Variants in ANKRD11 observed in about 807,000 individuals in gnomAD.
ANKRD11 encodes ankyrin repeat domain-containing protein 11.
ANKRD11 carries 17 observed loss-of-function variants against 195.7 expected under a neutral mutation model. That is an observed-to-expected ratio of 0.09 (90% CI 0.06 to 0.13). The LOEUF is 0.13. Among genes scored for constraint, ANKRD11 ranks in the 10% least tolerant of loss-of-function variants. The pLI is 1.00. For missense variants in ANKRD11, 3,735 were observed against 3,566.1 expected (o/e 1.05, Z -1.21); for synonymous variants, 1,953 against 1,528.1 (o/e 1.28, Z -6.49).
chr16:89,423,210 C>T (rs565682566), intron 1 of ANKRD11, among the ~76,000 whole-genome samples: 15 of 152,260 alleles, frequency 9.9e-5, no homozygotes, highest in Non-Finnish European at 1.6e-4. Flanking sequence ...GGTCTCAAAA[C>T]GCTGCTAGCC....
rs1567575959 is a variant in ANKRD11 at position 89,283,723 on chromosome 16, T to C, written c.2819A>G (p.Lys940Arg). 3.1e-6 allele frequency: 5 copies of C among 1,613,776 alleles called. No homozygotes were observed. The highest frequency in any genetic ancestry group is 4.2e-6 in the Non-Finnish European group (5 of 1,180,040). ...VPGYLSEKDK[K>R]RRESAEAGRD... ...CCCGGCCTCTGCGGACTCTCTCCTC[T>C]TCTTGTCCTTTTCCGAAAGGTAGCC... The change falls in exon 9 of 13, where the codon AAG becomes AGG. Residue 940 changes from lysine (K) to arginine (R), a missense_variant. Transcript: ENST00000301030. The surrounding 1 kb of genome is among the most constrained non-coding windows in gnomAD (Gnocchi z 4.3).
intron 2 of ANKRD11, among the ~76,000 whole-genome samples, chr16:89,335,222 C>T (rs143969601): frequency 6.6e-6 from 1 of 152,262 alleles, no homozygotes; most frequent in East Asian, 1.9e-4. Context: ...GCGTTCCATG[C>T]AGGCTGGGAG....
chr16:89,335,157 G>A (rs2038282872), intron 2 of ANKRD11, among the ~76,000 whole-genome samples: 1 of 152,190 alleles, frequency 6.6e-6, no homozygotes, highest in African/African-American at 2.4e-5. Flanking sequence ...GGCCTGTGGG[G>A]GCACTGTGGA....
chr16:89,409,527 G>A (rs2042036334), intron 2 of ANKRD11, among the ~76,000 whole-genome samples: 1 of 152,162 alleles, frequency 6.6e-6, no homozygotes. Context: ...CACAAGAGCA[G>A]GAAAGGCTGG....
chr16:89,323,899 G>T (rs529790750), intron 2 of ANKRD11: 12 of 218,098 alleles, frequency 5.5e-5, no homozygotes, highest in Middle Eastern at 1.8e-3. Context: ...GCCAAGGCCA[G>T]GCAGGCACCA....
intron 2 of ANKRD11, among the ~76,000 whole-genome samples, chr16:89,411,669 C>T (rs1250284315): frequency 2.0e-5 from 3 of 152,200 alleles, no homozygotes; most frequent in Non-Finnish European, 2.9e-5. Flanking sequence ...CCACCTCAGC[C>T]TCCCAGAGTG....
intron 2 of ANKRD11, among the ~76,000 whole-genome samples, chr16:89,402,784 G>C (rs2041751405): frequency 6.9e-6 from 1 of 144,192 alleles, no homozygotes; most frequent in Non-Finnish European, 1.5e-5. Flanking sequence ...AGCTCTGTGG[G>C]ATGAGGTGAG....
At chr16:89,441,582 A>G (rs923853580) in intron 1 of ANKRD11, among the ~76,000 whole-genome samples, 11 of 151,966 alleles carry the variant, frequency 7.2e-5, no homozygotes, top group African/African-American at 1.9e-4. Flanking sequence ...CCTGGCTAAC[A>G]TGGTAAAACC....
At chr16:89,409,894 T>C (rs3111349) in intron 2 of ANKRD11, among the ~76,000 whole-genome samples, 88,575 of 151,884 alleles carry the variant, frequency 0.58, 26,042 homozygotes, top group Middle Eastern at 0.73. Context: ...GGCTGGAGTG[T>C]AGTGGCACAA....
In ANKRD11 at chr16:89,437,261, T is replaced by G. The variant is rs528852467; in HGVS notation, c.-144-18893A>C. 7.9e-5 allele frequency among the ~76,000 whole-genome samples: 12 copies of G among 152,286 alleles called. No homozygotes were observed. The South Asian group carries it at 2.5e-3, about 32-fold the overall frequency. On this transcript the variant is annotated intron_variant, in intron 1 of 12. Transcript: ENST00000301030. The stretch of plus-strand genomic sequence containing the variant: ...CTCTCATTCCATGAACCAAGCATGA[T>G]GCTAATATGCTAATATGACAGAGAA...
chr16:89,271,016 A>T (rs1379870410), intron 11 of ANKRD11, 107 bp from the exon 12 acceptor site: 1 of 1,009,376 alleles, frequency 9.9e-7, no homozygotes, highest in African/African-American at 1.6e-5. Flanking sequence ...GGACAACCAC[A>T]GGGGGAGCCT....
chr16:89,334,549 TGG>T (rs2038249041), intron 2 of ANKRD11, among the ~76,000 whole-genome samples: 1 of 152,012 alleles, frequency 6.6e-6, no homozygotes, highest in African/African-American at 2.4e-5. Flanking sequence ...ATGTGGGCAG[TGG>T]GCATGCGGCA....
chr16:89,288,455 CG>C (rs1567588322), intron 7 of ANKRD11, 72 bp downstream of exon 7: 1 of 1,608,448 alleles, frequency 6.2e-7, no homozygotes, highest in South Asian at 1.1e-5. Flanking sequence ...CGGCTAGCTA[CG>C]GGGAAACAAA....
rs1353936075 is a variant in ANKRD11 at position 89,281,356 on chromosome 16, G to A, written c.5186C>T (p.Ala1729Val). ...MHTPRTPSCS[A>V]DDYADLVFDC... Reference sequence around the variant, plus strand: ...GAACACGAGGTCCGCGTAGTCATCGGCGCTGCAGGACGGGGTCCTGGGCGT... The same window carrying A: ...GAACACGAGGTCCGCGTAGTCATCGACGCTGCAGGACGGGGTCCTGGGCGT... The change falls in exon 9 of 13, where the codon GCC becomes GTC. Residue 1729 changes from alanine (A) to valine (V), a missense_variant. Coordinates refer to ENST00000301030, the MANE Select transcript of ANKRD11 (RefSeq NM_013275.6). The surrounding 1 kb of genome is among the most constrained non-coding windows in gnomAD (Gnocchi z 5.5). 6.2e-7 allele frequency: 1 copy of A among 1,611,280 alleles called. No homozygotes were observed. The highest frequency in any genetic ancestry group is 1.3e-5 in the African/African-American group (1 of 74,978).
chr16:89,464,808 G>A (rs1400910593), intron 1 of ANKRD11, among the ~76,000 whole-genome samples: 1 of 152,104 alleles, frequency 6.6e-6, no homozygotes, highest in Non-Finnish European at 1.5e-5. Context: ...AGAAGCCGCA[G>A]AGATCAAACT....
chr16:89,486,368 G>C (rs1390936629), intron 1 of ANKRD11, among the ~76,000 whole-genome samples: 1 of 151,722 alleles, frequency 6.6e-6, no homozygotes, highest in African/African-American at 2.4e-5. Flanking sequence ...TTCAGCTCAG[G>C]GAGTCGAGAC....
intron 2 of ANKRD11, among the ~76,000 whole-genome samples, chr16:89,347,328 G>C (rs972870922): frequency 6.6e-6 from 1 of 152,138 alleles, no homozygotes; most frequent in Non-Finnish European, 1.5e-5. Flanking sequence ...AGTTCCGTTC[G>C]GCCGGGCACA....
rs371762458 is a variant in ANKRD11, at chr16:89,358,225, C to G, written c.-59-41147G>C. Among the ~76,000 whole-genome samples the G allele has an allele frequency of 1.1e-4, 16 of 152,374 alleles. No individual in the cohort carries two copies. In the East Asian group the frequency reaches 1.9e-3, roughly 18 times the overall value. On this transcript the variant is annotated intron_variant, in intron 2 of 12. Coordinates refer to ENST00000301030, the MANE Select transcript of ANKRD11 (RefSeq NM_013275.6). Reference sequence around the variant, plus strand: ...CCACAGCCCCCACACCTCACTCTGGCATCAGCACTGGTCCCGCATGGAGCT... The same window carrying G: ...CCACAGCCCCCACACCTCACTCTGGGATCAGCACTGGTCCCGCATGGAGCT...
chr16:89,300,682 T>TA, intron 4 of ANKRD11: 1 of 538,990 alleles, frequency 1.9e-6, no homozygotes, highest in South Asian at 2.4e-5. Context: ...CCGTCTCCTA[T>TA]CTGAGGCACC....
Sources: gnomAD v4.1 joint callset for allele counts (sites outside exome capture counted in the v4.1 genomes callset) on GRCh38, gnomAD v4.1.1 for gene constraint, Gnocchi (gnomAD v3.1) non-coding constraint, MANE v1.5 for transcripts, NCBI Gene and HGNC (gene_info 2026-07-23, HGNC 2026-07-21) for gene names.